Variants in DCDC2 observed in about 807,000 individuals in gnomAD.
DCDC2 encodes doublecortin domain-containing protein 2.
In DCDC2, 40 loss-of-function variants were observed where a neutral mutation model predicts 50.2. The ratio of observed to expected loss-of-function variants is 0.80; its 90% CI spans 0.62 to 1.04. DCDC2 has a LOEUF of 1.04. Among genes scored for constraint, DCDC2 ranks in the 50% least tolerant of loss-of-function variants. The probability of loss-of-function intolerance (pLI) is 0.00; values close to 1 mark genes in which losing one functional copy is unlikely to be tolerated. For synonymous variants in DCDC2, 234 were observed against 210.6 expected, an observed-to-expected ratio of 1.11 and a Z score of -0.96; for missense variants, 570 against 581.9, an observed-to-expected ratio of 0.98 and a Z score of 0.21.
upstream of DCDC2, among the ~76,000 whole-genome samples, chr6:24,359,757 G>C (rs1208051168): frequency 6.7e-6 from 1 of 148,884 alleles, no homozygotes; most frequent in East Asian, 2.0e-4. Context: ...GGAAGGAAGG[G>C]AAAAATAACA....
At chr6:24,354,250 T>C (rs1467021434) in intron 1 of DCDC2, among the ~76,000 whole-genome samples, 4 of 152,180 alleles carry the variant, frequency 2.6e-5, no homozygotes, top group Non-Finnish European at 4.4e-5. Flanking sequence ...GAAAACTGTA[T>C]ACCTTTGTCA....
At chr6:24,234,461 G>C (rs1010826527) in intron 7 of DCDC2, among the ~76,000 whole-genome samples, 3 of 152,144 alleles carry the variant, frequency 2.0e-5, no homozygotes, top group Admixed American at 6.5e-5. Flanking sequence ...ATAACGTTGG[G>C]AACGAGTGCA....
intron 7 of DCDC2, among the ~76,000 whole-genome samples, chr6:24,263,659 A>G (rs1227766725): frequency 1.3e-5 from 2 of 152,250 alleles, no homozygotes; most frequent in East Asian, 1.9e-4. Flanking sequence ...CTTGAAGACA[A>G]GTTATTCGAA....
intron 7 of DCDC2, among the ~76,000 whole-genome samples, chr6:24,206,251 T>A (rs1761716556): frequency 6.6e-6 from 1 of 152,102 alleles, no homozygotes; most frequent in Non-Finnish European, 1.5e-5. Flanking sequence ...TTCTCTCAAG[T>A]TGCTTCCAGT....
chr6:24,267,096 A>G (rs955138326), intron 7 of DCDC2, among the ~76,000 whole-genome samples: 2 of 152,192 alleles, frequency 1.3e-5, no homozygotes, highest in African/African-American at 4.8e-5. Flanking sequence ...TGTGGAAGCT[A>G]AAAAGTAAAA....
intron 1 of DCDC2, among the ~76,000 whole-genome samples, chr6:24,356,322 G>A (rs1456590744): frequency 4.6e-5 from 7 of 152,118 alleles, no homozygotes; most frequent in Admixed American, 6.6e-5. Flanking sequence ...ACCATATACC[G>A]TATGATTCCA....
chr6:24,185,197 T>A (rs1339832538), intron 8 of DCDC2, among the ~76,000 whole-genome samples: 1 of 152,202 alleles, frequency 6.6e-6, no homozygotes, highest in Non-Finnish European at 1.5e-5. Flanking sequence ...ATACCCTAAT[T>A]TCTTTCTAGG....
chr6:24,184,276 G>A (rs980742968), intron 8 of DCDC2, among the ~76,000 whole-genome samples: 4 of 152,162 alleles, frequency 2.6e-5, no homozygotes, highest in African/African-American at 9.7e-5. Flanking sequence ...ACTGTTTAAA[G>A]AATTACTGAC....
At chr6:24,249,673 A>G (rs1330521999) in intron 7 of DCDC2, among the ~76,000 whole-genome samples, 1 of 152,228 alleles carries the variant, frequency 6.6e-6, no homozygotes, top group Non-Finnish European at 1.5e-5. Flanking sequence ...AGACAGATTT[A>G]GTTGTAATCA....
At chr6:24,357,106 CAAGGAAAAAAAAT>C (rs1488946654) in intron 1 of DCDC2, 1 of 187,298 alleles carries the variant, frequency 5.3e-6, no homozygotes, top group Admixed American at 5.7e-5. Context: ...GATGGATTTC[CAAGGAAAAAAAAT>C]AAGGAAAAGG....
chr6:24,366,634 C>T, the DCDC2 span, among the ~76,000 whole-genome samples: 4 of 152,108 alleles, frequency 2.6e-5, no homozygotes, highest in Non-Finnish European at 5.9e-5. Flanking sequence ...AGGGATGCAC[C>T]TTGAGGAGCG....
intron 2 of DCDC2, among the ~76,000 whole-genome samples, chr6:24,323,982 C>A (rs1759814999): frequency 6.6e-6 from 1 of 152,164 alleles, no homozygotes; most frequent in Non-Finnish European, 1.5e-5. Context: ...TGGGTTTTGT[C>A]ACTAATATTC....
chr6:24,204,893 G>C, intron 8 of DCDC2, 109 bp downstream of exon 8: 2 of 984,336 alleles, frequency 2.0e-6, no homozygotes, highest in South Asian at 3.2e-5. Context: ...TAGTACCTTA[G>C]AGGGTTTAAT....
At chr6:24,244,864 T>G (rs1762637826) in intron 7 of DCDC2, among the ~76,000 whole-genome samples, 1 of 152,202 alleles carries the variant, frequency 6.6e-6, no homozygotes. Context: ...CCTCTCCTGC[T>G]ACAAATACCC....
chr6:24,295,578 G>T (rs879155076), intron 4 of DCDC2, among the ~76,000 whole-genome samples: 1 of 152,118 alleles, frequency 6.6e-6, no homozygotes, highest in Non-Finnish European at 1.5e-5. Flanking sequence ...AAATCTCACA[G>T]TCTCGGCCCA....
chr6:24,315,133 A>C (rs1307052528), intron 2 of DCDC2, among the ~76,000 whole-genome samples: 1 of 151,254 alleles, frequency 6.6e-6, no homozygotes, highest in Non-Finnish European at 1.5e-5. Context: ...ACACACTTTA[A>C]GGGCAATGTT....
At chr6:24,194,825 G>A (rs1169214401) in intron 8 of DCDC2, among the ~76,000 whole-genome samples, 3 of 152,100 alleles carry the variant, frequency 2.0e-5, no homozygotes, top group Non-Finnish European at 4.4e-5. Flanking sequence ...GAGTATCTTA[G>A]GCTTATTAGA....
the DCDC2 span, among the ~76,000 whole-genome samples, chr6:24,363,947 T>G: frequency 6.6e-6 from 1 of 152,236 alleles, no homozygotes; most frequent in African/African-American, 2.4e-5. Flanking sequence ...TCAACTTTGA[T>G]GACAAAGCCA....
chr6:24,237,240 A>C (rs1315251331), intron 7 of DCDC2, among the ~76,000 whole-genome samples: 1 of 152,124 alleles, frequency 6.6e-6, no homozygotes, highest in Non-Finnish European at 1.5e-5. Flanking sequence ...GAGGGACAGA[A>C]TCAGAAAAAA....
Sources: allele counts gnomAD v4.1 joint callset (sites outside exome capture counted in the v4.1 genomes callset), GRCh38; gene constraint gnomAD v4.1.1; transcripts MANE v1.5; gene names NCBI Gene and HGNC (gene_info 2026-07-23, HGNC 2026-07-21).